GRID1: variants seen among roughly 807,000 people sequenced by gnomAD.
GRID1 encodes glutamate ionotropic receptor delta type subunit 1.
Under a neutral mutation model 98.0 loss-of-function variants are expected in GRID1, and 28 were observed. The ratio of observed to expected loss-of-function variants is 0.29; its 90% CI spans 0.21 to 0.39. The LOEUF (loss-of-function observed/expected upper bound fraction) is 0.39, where lower values mean the gene tolerates loss of function less well. Among genes scored for constraint, GRID1 ranks in the 10% least tolerant of loss-of-function variants. The pLI, the probability that GRID1 is intolerant of heterozygous loss-of-function variation, is 1.00. For synonymous variants in GRID1, 553 were observed against 538.5 expected (o/e 1.03, Z -0.37); for missense variants, 1,111 against 1,340.5 (o/e 0.83, Z 2.67).
At chr10:86,028,481 G>A (rs1843144830) in intron 4 of GRID1, among the ~76,000 whole-genome samples, 1 of 152,148 alleles carries the variant, frequency 6.6e-6, no homozygotes, top group African/African-American at 2.4e-5. Context: ...CAACAAAACA[G>A]GTATCTGTTA....
Position 86,206,255 on chromosome 10 carries a change from C to A in GRID1, c.520+109G>T. ...TGACCCTATCACCTGGAGGCCCACTCAGCACAGACCACCCCTGACCGGTCC... is the reference window on the plus strand; with the variant it reads ...TGACCCTATCACCTGGAGGCCCACTAAGCACAGACCACCCCTGACCGGTCC... On this transcript the variant is annotated intron_variant, in intron 3 of 15. Transcript: ENST00000327946. The surrounding 1 kb of genome is among the most constrained non-coding windows in gnomAD (Gnocchi z 4.1). 2 of 1,031,110 alleles carry A rather than the reference C, an allele frequency of 1.9e-6. No individual in the cohort carries two copies. The highest frequency in any genetic ancestry group is 2.8e-6 in the Non-Finnish European group (2 of 718,352). 63.9% of individuals were successfully genotyped at this position (1,031,110 alleles called of 1,614,324 possible). A position where few individuals can be genotyped will look rare whatever the true frequency, so the allele number is the denominator to read the frequency against.
At chr10:86,261,346 C>G (rs940763541) in intron 2 of GRID1, among the ~76,000 whole-genome samples, 1 of 152,206 alleles carries the variant, frequency 6.6e-6, no homozygotes, top group African/African-American at 2.4e-5. Flanking sequence ...GGGTGAGATT[C>G]AAAGCTGGCC....
chr10:86,117,137 C>T (rs1844595361), intron 4 of GRID1, among the ~76,000 whole-genome samples: 1 of 151,652 alleles, frequency 6.6e-6, no homozygotes, highest in South Asian at 2.1e-4. Context: ...GCAATACTAC[C>T]ACCATCACCA....
chr10:85,771,353 AGCCACTGCAAAATCAT>A (rs1297254553), intron 8 of GRID1, among the ~76,000 whole-genome samples: 1 of 152,226 alleles, frequency 6.6e-6, no homozygotes, highest in Non-Finnish European at 1.5e-5. Flanking sequence ...AACCGGTACC[AGCCACTGCAAAATCAT>A]GCCAAATTGT....
chr10:86,060,014 A>G (rs1283018436), intron 4 of GRID1, among the ~76,000 whole-genome samples: 1 of 152,240 alleles, frequency 6.6e-6, no homozygotes, highest in Non-Finnish European at 1.5e-5. Flanking sequence ...ATGGAAGTGG[A>G]GATTCTGTGC....
At chr10:86,244,001 C>A (rs1589424172) in intron 2 of GRID1, among the ~76,000 whole-genome samples, 1 of 152,180 alleles carries the variant, frequency 6.6e-6, no homozygotes, top group East Asian at 1.9e-4. Flanking sequence ...TGTGTGTACA[C>A]ATATATACAT....
chr10:85,757,487 A>G (rs1032502366), intron 8 of GRID1, among the ~76,000 whole-genome samples: 1 of 152,226 alleles, frequency 6.6e-6, no homozygotes, highest in Non-Finnish European at 1.5e-5. Context: ...CAGGGAGGCA[A>G]TAAGAGACCA....
intron 2 of GRID1, 103 bp downstream of exon 2, chr10:86,363,838 G>T (rs1299771967): frequency 5.1e-6 from 5 of 979,066 alleles, no homozygotes; most frequent in African/African-American, 3.3e-5. Flanking sequence ...GAGGAACAGA[G>T]GGTGCCCTGC....
At chr10:85,895,456 T>A (rs1375182643) in intron 5 of GRID1, among the ~76,000 whole-genome samples, 2 of 152,144 alleles carry the variant, frequency 1.3e-5, no homozygotes, top group Non-Finnish European at 2.9e-5. Context: ...TGCCACAGAA[T>A]ATCCTCCCAC....
At chr10:86,358,978 C>T (rs1052026225) in intron 2 of GRID1, among the ~76,000 whole-genome samples, 4 of 152,106 alleles carry the variant, frequency 2.6e-5, no homozygotes, top group African/African-American at 9.7e-5. Context: ...ATCCAGCAGT[C>T]TTTGGAAGCT....
At chr10:85,664,175 T>C (rs1324493869) in intron 12 of GRID1, among the ~76,000 whole-genome samples, 1 of 152,156 alleles carries the variant, frequency 6.6e-6, no homozygotes, top group African/African-American at 2.4e-5. Context: ...GGGCAATTAG[T>C]CTGAGAGTCA....
At chr10:85,932,222 T>C (rs1187823200) in intron 4 of GRID1, among the ~76,000 whole-genome samples, 2 of 152,140 alleles carry the variant, frequency 1.3e-5, no homozygotes, top group African/African-American at 4.8e-5. Flanking sequence ...ATCCACTTTT[T>C]TAAAAATTGA....
intron 12 of GRID1, among the ~76,000 whole-genome samples, chr10:85,662,417 C>T (rs1325943830): frequency 1.3e-5 from 2 of 152,172 alleles, no homozygotes; most frequent in Non-Finnish European, 2.9e-5. Flanking sequence ...GGATAGGGGG[C>T]TTCAGGGACC....
intron 4 of GRID1, among the ~76,000 whole-genome samples, chr10:86,138,241 C>T (rs1041263292): frequency 2.6e-5 from 4 of 152,202 alleles, no homozygotes; most frequent in African/African-American, 9.6e-5. Context: ...GGATTCTTTA[C>T]TAACCAATGG....
At chr10:85,782,712 G>T (rs956284602) in intron 8 of GRID1, among the ~76,000 whole-genome samples, 3 of 152,244 alleles carry the variant, frequency 2.0e-5, no homozygotes, top group Admixed American at 2.0e-4. Context: ...ATGCATGCCT[G>T]GTGGGCATAA....
At chr10:85,649,559 G>C (rs1481988829) in intron 12 of GRID1, among the ~76,000 whole-genome samples, 1 of 151,812 alleles carries the variant, frequency 6.6e-6, no homozygotes, top group Non-Finnish European at 1.5e-5. Context: ...TGATGAATGA[G>C]AAACATCAGG....
At chr10:85,712,752 A>G (rs559266762) in intron 12 of GRID1, among the ~76,000 whole-genome samples, 1 of 151,980 alleles carries the variant, frequency 6.6e-6, no homozygotes, top group East Asian at 1.9e-4. Flanking sequence ...TGAAACTAGA[A>G]ATCAATAACC....
intron 5 of GRID1, among the ~76,000 whole-genome samples, chr10:85,877,315 T>C (rs1439961457): frequency 6.6e-6 from 1 of 152,132 alleles, no homozygotes; most frequent in Non-Finnish European, 1.5e-5. Flanking sequence ...CTCAAGTGGG[T>C]CCCTGACCCC....
chr10:86,279,958 C>T (rs999105675), intron 2 of GRID1, among the ~76,000 whole-genome samples: 1 of 152,172 alleles, frequency 6.6e-6, no homozygotes, highest in Non-Finnish European at 1.5e-5. Context: ...AATCTCAGTG[C>T]TTTGGGAGCG....
Sources: allele counts gnomAD v4.1 joint callset (sites outside exome capture counted in the v4.1 genomes callset), GRCh38; gene constraint gnomAD v4.1.1; non-coding constraint Gnocchi (gnomAD v3.1); transcripts MANE v1.5; gene names NCBI Gene and HGNC (gene_info 2026-07-23, HGNC 2026-07-21).